TDRD7: variants seen among roughly 807,000 people sequenced by gnomAD.
The protein encoded by TDRD7 is tudor domain-containing protein 7.
In TDRD7, 47 loss-of-function variants were observed where a neutral mutation model predicts 109.8. The ratio of observed to expected loss-of-function variants is 0.43; its 90% CI spans 0.34 to 0.55. The LOEUF (loss-of-function observed/expected upper bound fraction) is 0.55. Ranked by LOEUF, TDRD7 falls within the 20% of genes least tolerant of loss-of-function variation. The pLI, the probability that TDRD7 is intolerant of heterozygous loss-of-function variation, is 0.03. For synonymous variants in TDRD7, 424 were observed against 457.3 expected (o/e 0.93, Z 0.93); for missense variants, 1,164 against 1,319.2 (o/e 0.88, Z 1.82).
intron 13 of TDRD7, among the ~76,000 whole-genome samples, chr9:97,479,553 C>CTT (rs775985130): frequency 1.5e-4 from 22 of 150,134 alleles, no homozygotes; most frequent in Non-Finnish European, 2.7e-4. Context: ...AATCACTAAA[C>CTT]TTTTTTTTTT....
rs180728470 is a variant in TDRD7, at chr9:97,424,602, G to A, written c.-6-3858G>A. ...CTCTTTATCTCTGATAAGATTCCTT[G>A]TTCTGATATTTATACAGTCATAGTG... On this transcript the variant is annotated intron_variant, in intron 1 of 16. Coordinates refer to ENST00000355295, the MANE Select transcript of TDRD7 (RefSeq NM_014290.3). Among the ~76,000 whole-genome samples the A allele has an allele frequency of 2.0e-5, 3 of 152,124 alleles. No homozygotes were observed. In the East Asian group the frequency reaches 5.8e-4, roughly 29 times the overall value.
intron 15 of TDRD7, among the ~76,000 whole-genome samples, chr9:97,483,659 T>G (rs1023041363): frequency 6.6e-6 from 1 of 151,952 alleles, no homozygotes; most frequent in African/African-American, 2.4e-5. Context: ...AATGACTTTT[T>G]ATTTTAAAAA....
chr9:97,479,525 G>C (rs377396914), intron 13 of TDRD7, among the ~76,000 whole-genome samples: 1 of 152,112 alleles, frequency 6.6e-6, no homozygotes, highest in Non-Finnish European at 1.5e-5. Context: ...AGTACCACCT[G>C]TATGCTACGG....
Position 97,425,838 on chromosome 9 carries a change from C to A in TDRD7, c.-6-2622C>A, listed in dbSNP as rs575893719. 2.0e-5 allele frequency among the ~76,000 whole-genome samples: 3 copies of A among 152,260 alleles called. No homozygotes were observed. In the East Asian group the frequency reaches 5.8e-4, roughly 29 times the overall value. On this transcript the variant is annotated intron_variant, in intron 1 of 16. Coordinates refer to ENST00000355295, the MANE Select transcript of TDRD7 (RefSeq NM_014290.3). ...ATTGTTAGGCAGTTTCATTGCTGTGCAAACATTATAGAGTGGACTCACAAA... is the reference window on the plus strand; with the variant it reads ...ATTGTTAGGCAGTTTCATTGCTGTGAAAACATTATAGAGTGGACTCACAAA...
intron 16 of TDRD7, among the ~76,000 whole-genome samples, chr9:97,491,801 C>T (rs1032311909): frequency 1.1e-4 from 16 of 152,190 alleles, no homozygotes; most frequent in African/African-American, 3.9e-4. Flanking sequence ...AAACAGAAAG[C>T]TCTGGTGTAT....
At chr9:97,453,376 C>T (rs752546061) in intron 6 of TDRD7, among the ~76,000 whole-genome samples, 1 of 151,004 alleles carries the variant, frequency 6.6e-6, no homozygotes, top group Non-Finnish European at 1.5e-5. Flanking sequence ...GAGCTGGGGG[C>T]GGGGGGCAAG....
intron 6 of TDRD7, among the ~76,000 whole-genome samples, chr9:97,445,187 A>C (rs905371797): frequency 6.6e-6 from 1 of 152,196 alleles, no homozygotes; most frequent in African/African-American, 2.4e-5. Context: ...AGGACACTGC[A>C]CTCTAAGAGT....
chr9:97,470,809 T>C (rs936904275), intron 9 of TDRD7, 140 bp downstream of exon 9: 3 of 665,512 alleles, frequency 4.5e-6, no homozygotes, highest in Non-Finnish European at 8.0e-6. Flanking sequence ...TCATGTCGAA[T>C]GTATTCTTTA....
At chr9:97,491,253 C>T (rs890766064) in intron 16 of TDRD7, among the ~76,000 whole-genome samples, 24 of 152,250 alleles carry the variant, frequency 1.6e-4, no homozygotes, top group African/African-American at 5.8e-4. Context: ...TTTATTGTTT[C>T]TTAGAATTTC....
intron 14 of TDRD7, among the ~76,000 whole-genome samples, chr9:97,481,266 C>T (rs1829110561): frequency 6.6e-6 from 1 of 152,190 alleles, no homozygotes; most frequent in African/African-American, 2.4e-5. Flanking sequence ...CCACAGATCT[C>T]TTGATAAATG....
intron 6 of TDRD7, among the ~76,000 whole-genome samples, chr9:97,443,406 G>T (rs1289620559): frequency 6.6e-6 from 1 of 152,142 alleles, no homozygotes; most frequent in African/African-American, 2.4e-5. Flanking sequence ...ATAAACTCAA[G>T]AACAATTAAT....
At chr9:97,418,474 T>C (rs1827846513) in intron 1 of TDRD7, among the ~76,000 whole-genome samples, 1 of 152,132 alleles carries the variant, frequency 6.6e-6, no homozygotes, top group Non-Finnish European at 1.5e-5. Context: ...TACCTCACTC[T>C]GCTCTGGCCG....
intron 13 of TDRD7, 69 bp downstream of exon 13, chr9:97,478,642 T>C (rs1829064344): frequency 1.9e-6 from 3 of 1,602,154 alleles, no homozygotes; most frequent in Non-Finnish European, 2.6e-6. Context: ...TATTGTAAGA[T>C]GCCTTCTCAG....
chr9:97,442,183 TGATAGCTTTGC>T (rs1469149658), intron 6 of TDRD7, among the ~76,000 whole-genome samples: 33 of 152,320 alleles, frequency 2.2e-4, no homozygotes, highest in African/African-American at 6.5e-4. Context: ...CAGTAAACAC[TGATAGCTTTGC>T]CATTTTAATA....
intron 3 of TDRD7, 41 bp from the exon 4 acceptor site, chr9:97,431,984 G>A (rs780325774): frequency 6.4e-7 from 1 of 1,561,634 alleles, no homozygotes; most frequent in Non-Finnish European, 8.8e-7. Flanking sequence ...GTGGGGTTTG[G>A]GGATGCTAAT....
intron 16 of TDRD7, among the ~76,000 whole-genome samples, chr9:97,489,098 G>A (rs765302721): frequency 6.6e-6 from 1 of 152,202 alleles, no homozygotes; most frequent in Non-Finnish European, 1.5e-5. Context: ...GTGAGCTTGA[G>A]AAGAATGTAT....
In TDRD7 at chr9:97,495,715, T is replaced by C. The variant is rs371279564; in HGVS notation, c.3129T>C (p.His1043=). The change falls in exon 17 of 17, where the codon CAT becomes CAC. Residue 1043 remains histidine, a synonymous_variant. Transcript: ENST00000355295. ...SEEASMVFRN[H]VEKKPLVALV... Reference sequence around the variant, plus strand: ...AGGCTTCTATGGTGTTTCGAAATCATGTGGAGAAGAAACCTCTGGTGGCAC... The same window carrying C: ...AGGCTTCTATGGTGTTTCGAAATCACGTGGAGAAGAAACCTCTGGTGGCAC... The C allele has an allele frequency of 5.4e-5, 87 of 1,614,098 alleles. No individual in the cohort carries two copies. Among genetic ancestry groups the C allele is most frequent in the East Asian group, 3.6e-4 (16 of 44,896 alleles).
chr9:97,421,629 G>T (rs1055739401), intron 1 of TDRD7, among the ~76,000 whole-genome samples: 3 of 151,290 alleles, frequency 2.0e-5, no homozygotes, highest in Non-Finnish European at 4.4e-5. Flanking sequence ...TCACTCTGTC[G>T]CACCATGACG....
chr9:97,493,766 A>G (rs1829344818), intron 16 of TDRD7, among the ~76,000 whole-genome samples: 1 of 152,190 alleles, frequency 6.6e-6, no homozygotes, highest in African/African-American at 2.4e-5. Flanking sequence ...ACCCTCAGGG[A>G]CGCATTCTCT....
Sources: gnomAD v4.1 joint callset for allele counts (sites outside exome capture counted in the v4.1 genomes callset) on GRCh38, gnomAD v4.1.1 for gene constraint, MANE v1.5 for transcripts, NCBI Gene and HGNC (gene_info 2026-07-23, HGNC 2026-07-21) for gene names.